Variants in DNAH7 observed in about 807,000 individuals in gnomAD.
The protein encoded by DNAH7 is axonemal beta dynein heavy chain 7.
DNAH7 carries 397 observed loss-of-function variants against 444.6 expected under a neutral mutation model. That is an observed-to-expected ratio of 0.89 (90% CI 0.82 to 0.97). DNAH7 has a LOEUF of 0.97. Ranked by LOEUF, DNAH7 falls within the 50% of genes least tolerant of loss-of-function variation. The pLI is 0.00. For missense variants in DNAH7, 4,902 were observed against 4,800.8 expected, an observed-to-expected ratio of 1.02 and a Z score of -0.62; for synonymous variants, 1,636 against 1,624.4, an observed-to-expected ratio of 1.01 and a Z score of -0.17.
At position 195,865,857 on chromosome 2, in the gene DNAH7, G is replaced by A. The variant is rs891821152; in HGVS notation, c.6634-836C>T. Among the ~76,000 whole-genome samples the A allele has an allele frequency of 1.4e-4, 21 of 152,110 alleles. No homozygotes were observed. In the East Asian group the frequency reaches 3.3e-3, roughly 24 times the overall value. On this transcript the variant is annotated intron_variant, in intron 40 of 64. Transcript: ENST00000312428. Reference sequence around the variant, plus strand: ...AGTGTCCTTATAAGGAGAGGAAGAGGCATTAAAGCGCTCTCTCCCTCTCTC... The same window carrying A: ...AGTGTCCTTATAAGGAGAGGAAGAGACATTAAAGCGCTCTCTCCCTCTCTC...
intron 8 of DNAH7, among the ~76,000 whole-genome samples, chr2:196,021,876 C>A (rs1403021502): frequency 6.6e-6 from 1 of 152,114 alleles, no homozygotes; most frequent in Non-Finnish European, 1.5e-5. Context: ...CCTGTAATCC[C>A]AGCACTGTGG....
intron 54 of DNAH7, among the ~76,000 whole-genome samples, chr2:195,803,584 T>C (rs1052366358): frequency 5.3e-5 from 8 of 152,230 alleles, no homozygotes; most frequent in African/African-American, 1.9e-4. Context: ...GTTAGGTTTG[T>C]AAAATGAAAT....
At chr2:195,968,847 C>T (rs1408216139) in intron 17 of DNAH7, among the ~76,000 whole-genome samples, 1 of 152,182 alleles carries the variant, frequency 6.6e-6, no homozygotes, top group Non-Finnish European at 1.5e-5. Flanking sequence ...GGTCCAAATG[C>T]TCTCTGTGTG....
intron 53 of DNAH7, among the ~76,000 whole-genome samples, chr2:195,807,783 T>C (rs897985895): frequency 7.2e-5 from 11 of 152,222 alleles, no homozygotes; most frequent in African/African-American, 2.7e-4. Context: ...TGCTTCAGCA[T>C]AGTAATAAAA....
chr2:195,888,516 CT>C, intron 32 of DNAH7, 82 bp from the exon 33 acceptor site: 1 of 1,387,952 alleles, frequency 7.2e-7, no homozygotes, highest in Non-Finnish European at 9.6e-7. Context: ...TTTTTATAAC[CT>C]TCAGCAAAGT....
rs376473551 is a variant in DNAH7 at position 195,919,636 on chromosome 2, C to T, written c.3935+2452G>A. Among the ~76,000 whole-genome samples, 121 of 152,290 alleles carry T rather than the reference C, an allele frequency of 7.9e-4. 2 individuals are homozygous for T. In the South Asian group the frequency reaches 0.022, roughly 27 times the overall value. The stretch of plus-strand genomic sequence containing the variant: ...CTGGGATCACAGGCATGAGCCACCA[C>T]ACCAGGCCAAAAAGTCTACTTTTTT... On this transcript the variant is annotated intron_variant, in intron 24 of 64. Transcript: ENST00000312428.
In DNAH7 at chr2:195,869,616, G is replaced by T. The variant is rs78951890; in HGVS notation, c.6633+2634C>A. Among the ~76,000 whole-genome samples, 833 of 152,246 alleles carry T rather than the reference G, an allele frequency of 5.5e-3. 9 individuals are homozygous for T. The highest frequency in any genetic ancestry group is 0.019 in the African/African-American group (793 of 41,526). Reference sequence around the variant, plus strand: ...AAGCTTCAACTAGAAAGAAGAATTTGATCAAAGGCAGGGAAGGAGCTATTC... The same window carrying T: ...AAGCTTCAACTAGAAAGAAGAATTTTATCAAAGGCAGGGAAGGAGCTATTC... On this transcript the variant is annotated intron_variant, in intron 40 of 64. Transcript: ENST00000312428.
intron 12 of DNAH7, among the ~76,000 whole-genome samples, chr2:195,995,866 G>A (rs1410751431): frequency 1.3e-5 from 2 of 152,160 alleles, no homozygotes; most frequent in African/African-American, 2.4e-5. Context: ...GATTGCTTTG[G>A]CTATTCAGGG....
Position 195,787,179 on chromosome 2 carries a change from G to A in DNAH7, c.10717-8C>T, listed in dbSNP as rs1695661677. On this transcript the variant is annotated splice_polypyrimidine_tract_variant and splice_region_variant and intron_variant, in intron 57 of 64. Coordinates refer to ENST00000312428, the MANE Select transcript of DNAH7 (RefSeq NM_018897.3). ...CAATTTCTTGAATTCCTCCTGTAAT[G>A]AGAAGAAATGATGCCGCATCATTAT... 1.3e-6 allele frequency: 2 copies of A among 1,580,320 alleles called. No homozygotes were observed. The highest frequency in any genetic ancestry group is 4.5e-5 in the East Asian group (2 of 44,284).
At chr2:196,049,503 T>C (rs143774769) in intron 3 of DNAH7, among the ~76,000 whole-genome samples, 1 of 152,326 alleles carries the variant, frequency 6.6e-6, no homozygotes, top group East Asian at 1.9e-4. Flanking sequence ...AAGCCTGAAG[T>C]CTGTAAAGAA....
intron 63 of DNAH7, among the ~76,000 whole-genome samples, chr2:195,749,633 C>A (rs1336354608): frequency 1.2e-4 from 18 of 150,604 alleles, no homozygotes; most frequent in Non-Finnish European, 2.1e-4. Context: ...ACATATACAC[C>A]ATGGAATACT....
At position 195,796,252 on chromosome 2, in the gene DNAH7, C is replaced by T. The variant is rs16840007; in HGVS notation, c.10515+324G>A. The stretch of plus-strand genomic sequence containing the variant: ...AACAGTCCTCCTTGGTTGCTTTAGG[C>T]CATTGTTATAAAAAGTAAGTTGATG... On this transcript the variant is annotated intron_variant, in intron 56 of 64. Coordinates refer to ENST00000312428, the MANE Select transcript of DNAH7 (RefSeq NM_018897.3). 5.8e-3 allele frequency among the ~76,000 whole-genome samples: 879 copies of T among 152,278 alleles called. 8 individuals are homozygous for T. The highest frequency in any genetic ancestry group is 0.02 in the African/African-American group (846 of 41,558).
intron 46 of DNAH7, among the ~76,000 whole-genome samples, chr2:195,845,546 C>T (rs1185534254): frequency 6.6e-6 from 1 of 152,092 alleles, no homozygotes; most frequent in Non-Finnish European, 1.5e-5. Context: ...ATAAAGAGCC[C>T]GAATAGCCAA....
intron 63 of DNAH7, among the ~76,000 whole-genome samples, chr2:195,752,035 C>T: frequency 6.6e-6 from 1 of 152,026 alleles, no homozygotes; most frequent in Non-Finnish European, 1.5e-5. Context: ...CTTTGGGAGC[C>T]CAAGGTGAGT....
intron 54 of DNAH7, among the ~76,000 whole-genome samples, chr2:195,803,574 G>A (rs71420698): frequency 0.015 from 2,278 of 152,308 alleles, 31 homozygotes; most frequent in Non-Finnish European, 0.025. Flanking sequence ...TTATGCCAGC[G>A]TTAGGTTTGT....
chr2:195,991,509 C>A (rs1693340426), intron 12 of DNAH7, among the ~76,000 whole-genome samples: 1 of 152,108 alleles, frequency 6.6e-6, no homozygotes, highest in Admixed American at 6.6e-5. Flanking sequence ...TAAAAAATTA[C>A]AAAACAGCTA....
Position 195,858,476 on chromosome 2 carries a change from G to A in DNAH7, c.8065C>T (p.Gln2689Ter). The A allele has an allele frequency of 6.3e-7, 1 of 1,596,108 alleles. No homozygotes were observed. Among genetic ancestry groups the A allele is most frequent in the Non-Finnish European group, 8.5e-7 (1 of 1,170,762 alleles). ...AAAGTGTATGGCGAAGCTCTTACCT[G>A]TGCAGTAAGAGTATCAAGGGCGGCC... ...ALAALDTLTA[Q>*]DITVVKSMKS... The change falls in exon 43 of 65, where the codon CAG (glutamine) becomes TAG (stop). Residue 2689 changes from glutamine (Q) to a stop codon, truncating the protein, a stop_gained and splice_region_variant. Transcript: ENST00000312428. LOFTEE classifies it high-confidence loss of function.
At position 195,998,662 on chromosome 2, in the gene DNAH7, G is replaced by A. The variant is rs547198320; in HGVS notation, c.1353+2042C>T. On this transcript the variant is annotated intron_variant, in intron 12 of 64. Transcript: ENST00000312428. ...AAATTTGTCTTGTTTCATAAGTTAC[G>A]TCAAATCATTCTTGAAAAAGTCAGG... The A allele has an allele frequency of 3.5e-4, 54 of 152,854 alleles. 1 individual carries two copies. Among genetic ancestry groups the A allele is most frequent in the African/African-American group, 8.0e-4 (33 of 41,396 alleles). The allele number at this position is 152,854 out of a possible 1,614,324, so 9.5% of individuals were successfully genotyped here. A position where few individuals can be genotyped will look rare whatever the true frequency, so the allele number is the denominator to read the frequency against.
At chr2:195,828,471 G>A (rs899417083) in intron 48 of DNAH7, among the ~76,000 whole-genome samples, 8 of 151,840 alleles carry the variant, frequency 5.3e-5, no homozygotes, top group Admixed American at 5.3e-4. Flanking sequence ...TGTAGTCCCA[G>A]CTACTCGGGA....
Sources: gnomAD v4.1 joint callset for allele counts (sites outside exome capture counted in the v4.1 genomes callset) on GRCh38, gnomAD v4.1.1 for gene constraint, MANE v1.5 for transcripts, NCBI Gene and HGNC (gene_info 2026-07-23, HGNC 2026-07-21) for gene names.